The following RNF157 variants were observed in gnomAD, a reference collection of about 807,000 sequenced individuals.
The protein encoded by RNF157 is E3 ubiquitin ligase RNF157.
In RNF157, 55 loss-of-function variants were observed where a neutral mutation model predicts 88.3. That is an observed-to-expected ratio of 0.62 (90% CI 0.50 to 0.78). The LOEUF (loss-of-function observed/expected upper bound fraction) is 0.78. Ranked by LOEUF, RNF157 falls within the 30% of genes least tolerant of loss-of-function variation. The pLI, the probability that RNF157 is intolerant of heterozygous loss-of-function variation, is 0.00. For synonymous variants in RNF157, 334 were observed against 341.2 expected (o/e 0.98, Z 0.23); for missense variants, 788 against 860.8 (o/e 0.92, Z 1.06).
chr17:76,236,407 C>A lies in RNF157; in HGVS notation c.88+3746G>T, dbSNP rs541252487. 2.0e-5 allele frequency among the ~76,000 whole-genome samples: 3 copies of A among 152,270 alleles called. No homozygotes were observed. In the South Asian group the frequency reaches 6.2e-4, roughly 32 times the overall value. On this transcript the variant is annotated intron_variant, in intron 1 of 18. Transcript: ENST00000269391. The stretch of plus-strand genomic sequence containing the variant: ...CAAAAGATGAGCTTCATAAAAGCAA[C>A]CATCTCCGCAAAGCCATACCTTTCT...
intron 3 of RNF157, among the ~76,000 whole-genome samples, chr17:76,168,325 A>G (rs919157516): frequency 2.0e-5 from 3 of 152,116 alleles, no homozygotes; most frequent in Non-Finnish European, 1.5e-5. Context: ...TGATTTTATT[A>G]TAATAGTCCA....
chr17:76,154,059 C>G (rs546757137), intron 17 of RNF157: 24 of 545,492 alleles, frequency 4.4e-5, no homozygotes, highest in Middle Eastern at 5.1e-4. Flanking sequence ...GCACCCGCAC[C>G]TGACATCCAT....
chr17:76,198,241 T>C (rs1237252903), intron 2 of RNF157, among the ~76,000 whole-genome samples: 2 of 152,020 alleles, frequency 1.3e-5, no homozygotes, highest in African/African-American at 2.4e-5. Context: ...CTGAGGGTGT[T>C]GGAATACAAA....
intron 2 of RNF157, among the ~76,000 whole-genome samples, chr17:76,185,799 C>T (rs1484574489): frequency 6.6e-6 from 1 of 152,118 alleles, no homozygotes; most frequent in Non-Finnish European, 1.5e-5. Flanking sequence ...AGCAACCCAT[C>T]CTCACTACCT....
chr17:76,154,181 G>T, intron 17 of RNF157, 102 bp downstream of exon 17: 1 of 831,066 alleles, frequency 1.2e-6, no homozygotes, highest in Non-Finnish European at 2.1e-6. Context: ...ATACAACTGA[G>T]CAGCGCCACC....
Position 76,148,335 on chromosome 17 carries a change from C to T in RNF157, c.1922-2982G>A, listed in dbSNP as rs193101347. Among the ~76,000 whole-genome samples, 1,384 of 142,660 alleles carry T rather than the reference C, an allele frequency of 9.7e-3. 21 individuals carry two copies. Among genetic ancestry groups the T allele is most frequent in the African/African-American group, 0.034 (1,297 of 37,944 alleles). The allele number at this position is 142,660 out of a possible 152,430, so 93.6% of individuals were successfully genotyped here. ...AGGCTGGAGTGCAGTGGCGTGACCTCGGCTCACTGCAAGCTCCGCCTCCCG... is the reference window on the plus strand; with the variant it reads ...AGGCTGGAGTGCAGTGGCGTGACCTTGGCTCACTGCAAGCTCCGCCTCCCG... On this transcript the variant is annotated intron_variant, in intron 18 of 18. Coordinates refer to ENST00000269391, the MANE Select transcript of RNF157 (RefSeq NM_052916.3).
Position 76,205,269 on chromosome 17 carries a change from G to T in RNF157, c.207+7095C>A, listed in dbSNP as rs375842500. On this transcript the variant is annotated intron_variant, in intron 2 of 18. Coordinates refer to ENST00000269391, the MANE Select transcript of RNF157 (RefSeq NM_052916.3). Reference sequence around the variant, plus strand: ...TCCTCTAGCCTCAACCACCCAAGTAGCTAGGAATATAGGTGTGTACCACCA... The same window carrying T: ...TCCTCTAGCCTCAACCACCCAAGTATCTAGGAATATAGGTGTGTACCACCA... Among the ~76,000 whole-genome samples the T allele has an allele frequency of 1.1e-4, 16 of 151,504 alleles. No homozygotes were observed. In the East Asian group the frequency reaches 2.9e-3, roughly 28 times the overall value.
At chr17:76,230,424 A>G (rs2070167182) in intron 1 of RNF157, among the ~76,000 whole-genome samples, 1 of 152,210 alleles carries the variant, frequency 6.6e-6, no homozygotes, top group African/African-American at 2.4e-5. Context: ...TGCTCTATGC[A>G]AAGCATCCTG....
At chr17:76,226,899 G>A (rs549130387) in intron 1 of RNF157, 15 of 1,101,730 alleles carry the variant, frequency 1.4e-5, no homozygotes, top group Admixed American at 9.9e-5. Context: ...CGTGGGAAGC[G>A]CCATGGCTTA....
intron 16 of RNF157, chr17:76,154,618 G>T: frequency 3.1e-6 from 1 of 326,724 alleles, no homozygotes; most frequent in Non-Finnish European, 5.6e-6. Flanking sequence ...TTTCTCTAAG[G>T]TGGAAGTAAA....
intron 1 of RNF157, among the ~76,000 whole-genome samples, chr17:76,221,291 A>G (rs920760606): frequency 6.6e-6 from 1 of 152,210 alleles, no homozygotes; most frequent in African/African-American, 2.4e-5. Context: ...GTGACAGCAA[A>G]TACAACAAAG....
rs2068659007 is a variant in RNF157, at chr17:76,150,548, C to T, written c.1921+1807G>A. Among the ~76,000 whole-genome samples the T allele has an allele frequency of 2.6e-5, 4 of 152,102 alleles. No homozygotes were observed. The South Asian group carries it at 8.3e-4, about 32-fold the overall frequency. ...GGAGTCCCTTGAGGGAGGCAGGAAC[C>T]TAAATTTCTCTCCTAAAGCCAAGTA... On this transcript the variant is annotated intron_variant, in intron 18 of 18. Transcript: ENST00000269391.
intron 2 of RNF157, among the ~76,000 whole-genome samples, chr17:76,196,932 C>T (rs1478879004): frequency 1.3e-5 from 2 of 152,182 alleles, no homozygotes; most frequent in Admixed American, 6.5e-5. Context: ...TGGCCAAGAC[C>T]GCACTCATGT....
Position 76,152,364 on chromosome 17 carries a change from A to G in RNF157, c.1912T>C (p.Cys638Arg). ...ALDNKLCSEV[C>R]LPGAWQADDN... ...GCAGACTGACACTCACCAGGTAAGCAGACCTCAGAGCACAGCTTATTGTCC... is the reference window on the plus strand; with the variant it reads ...GCAGACTGACACTCACCAGGTAAGCGGACCTCAGAGCACAGCTTATTGTCC... The change falls in exon 18 of 19, where the codon TGC (cysteine) becomes CGC (arginine). Residue 638 changes from cysteine (C) to arginine (R), a missense_variant. By Grantham distance (180) the Cys-to-Arg change is radical. Transcript: ENST00000269391. The G allele has an allele frequency of 6.2e-7, 1 of 1,604,516 alleles. No homozygotes were observed. Among genetic ancestry groups the G allele is most frequent in the Non-Finnish European group, 8.5e-7 (1 of 1,171,232 alleles).
chr17:76,152,719 G>A (rs62090127), intron 17 of RNF157: 231 of 439,362 alleles, frequency 5.3e-4, no homozygotes, highest in Non-Finnish European at 8.2e-4. Context: ...GATCACTGAG[G>A]AGGGCTGTGG....
At chr17:76,234,484 C>T (rs1366756441) in intron 1 of RNF157, among the ~76,000 whole-genome samples, 3 of 152,078 alleles carry the variant, frequency 2.0e-5, no homozygotes, top group Non-Finnish European at 2.9e-5. Context: ...ACATTCACAC[C>T]GGCAGGGTAT....
intron 2 of RNF157, among the ~76,000 whole-genome samples, chr17:76,194,753 C>T (rs937080808): frequency 2.6e-5 from 4 of 152,156 alleles, no homozygotes; most frequent in African/African-American, 4.8e-5. Flanking sequence ...CGGTGGCTCA[C>T]ACCTGTAATC....
At chr17:76,149,970 T>C (rs972389456) in intron 18 of RNF157, among the ~76,000 whole-genome samples, 5 of 151,938 alleles carry the variant, frequency 3.3e-5, no homozygotes, top group African/African-American at 4.8e-5. Flanking sequence ...GAGGTGGAGG[T>C]TGCAGTGAGC....
intron 13 of RNF157, among the ~76,000 whole-genome samples, chr17:76,156,744 G>A (rs2068770859): frequency 6.6e-6 from 1 of 152,118 alleles, no homozygotes; most frequent in African/African-American, 2.4e-5. Context: ...GTTAATTCCT[G>A]CCCAGCTGCT....
Sources: allele counts gnomAD v4.1 joint callset (sites outside exome capture counted in the v4.1 genomes callset), GRCh38; gene constraint gnomAD v4.1.1; transcripts MANE v1.5; gene names NCBI Gene and HGNC (gene_info 2026-07-23, HGNC 2026-07-21).